The following CERKL variants were observed in gnomAD, a reference collection of about 807,000 sequenced individuals.
CERKL encodes the protein ceramide kinase-like protein.
A neutral mutation model predicts 63.4 loss-of-function variants in CERKL; 61 were observed. The ratio of observed to expected loss-of-function variants is 0.96; its 90% CI spans 0.78 to 1.19. The LOEUF (loss-of-function observed/expected upper bound fraction) is 1.19, where lower values mean the gene tolerates loss of function less well. Among genes scored for constraint, CERKL ranks in the 50% most tolerant of loss-of-function variants. The pLI is 0.00. For synonymous variants in CERKL, 250 were observed against 230.5 expected (o/e 1.08, Z -0.77); for missense variants, 675 against 655.5 (o/e 1.03, Z -0.33).
intron 1 of CERKL, among the ~76,000 whole-genome samples, chr2:181,627,053 G>A (rs1042211226): frequency 6.6e-6 from 1 of 152,156 alleles, no homozygotes; most frequent in Non-Finnish European, 1.5e-5. Flanking sequence ...GCTTGTAGAG[G>A]CAAGAAACAT....
At chr2:181,627,912 A>C (rs1686781841) in intron 1 of CERKL, among the ~76,000 whole-genome samples, 1 of 152,216 alleles carries the variant, frequency 6.6e-6, no homozygotes. Flanking sequence ...CTACTGATGA[A>C]GGAGCTGTTA....
At chr2:181,632,707 A>G (rs1033767597) in intron 1 of CERKL, among the ~76,000 whole-genome samples, 1 of 152,160 alleles carries the variant, frequency 6.6e-6, no homozygotes, top group African/African-American at 2.4e-5. Context: ...CTCCAGACAT[A>G]CCCAGTACCT....
At chr2:181,649,756 G>A (rs1687821568) in intron 1 of CERKL, 1 of 152,240 alleles carries the variant, frequency 6.6e-6, no homozygotes, top group East Asian at 1.9e-4. Context: ...CAGGCCAGGT[G>A]CAGTGGCTCA....
At chr2:181,545,877 G>T (rs898586123) in intron 10 of CERKL, among the ~76,000 whole-genome samples, 2 of 152,222 alleles carry the variant, frequency 1.3e-5, no homozygotes, top group Non-Finnish European at 2.9e-5. Flanking sequence ...TACATGGCTG[G>T]CACTGCTTTA....
chr2:181,640,129 C>T (rs1405479456), intron 1 of CERKL, among the ~76,000 whole-genome samples: 1 of 152,164 alleles, frequency 6.6e-6, no homozygotes, highest in African/African-American at 2.4e-5. Context: ...TGCCTGTCTA[C>T]CTCTGAATTC....
At chr2:181,652,831 G>A (rs1044685639) in intron 1 of CERKL, among the ~76,000 whole-genome samples, 1 of 150,866 alleles carries the variant, frequency 6.6e-6, no homozygotes, top group Non-Finnish European at 1.5e-5. Context: ...CTGGAGTGCA[G>A]TGGCACTATC....
chr2:181,623,100 T>C (rs1686526370), intron 1 of CERKL, among the ~76,000 whole-genome samples: 1 of 152,240 alleles, frequency 6.6e-6, no homozygotes, highest in South Asian at 2.1e-4. Context: ...TTTCACTATC[T>C]TGTATTTTCG....
rs1443526294 is a variant in CERKL at position 181,550,788 on chromosome 2, T to A, written c.821-1080A>T. ...ACCAAGAGGTCATTAATATCATAAT[T>A]TTTTAGGTAACTAAGAATAAGCATA... On this transcript the variant is annotated intron_variant, in intron 5 of 12. Coordinates refer to ENST00000410087, the MANE Select transcript of CERKL (RefSeq NM_201548.5). The surrounding 1 kb of genome is among the most constrained non-coding windows in gnomAD (Gnocchi z 4.5). 6.6e-6 allele frequency among the ~76,000 whole-genome samples: 1 copy of A among 152,160 alleles called. No homozygotes were observed. Among genetic ancestry groups the A allele is most frequent in the Non-Finnish European group, 1.5e-5 (1 of 68,026 alleles).
chr2:181,598,610 T>C (rs117885948), intron 2 of CERKL, among the ~76,000 whole-genome samples: 4 of 152,260 alleles, frequency 2.6e-5, no homozygotes, highest in East Asian at 3.9e-4. Context: ...GATTGCAGCC[T>C]GAACTGTACT....
At chr2:181,542,790 T>C (rs2105793753) in intron 11 of CERKL, among the ~76,000 whole-genome samples, 1 of 152,308 alleles carries the variant, frequency 6.6e-6, no homozygotes, top group Admixed American at 6.5e-5. Flanking sequence ...CATAATATTA[T>C]CTCTTAGAAA....
At chr2:181,562,787 T>C (rs1688502714) in intron 4 of CERKL, among the ~76,000 whole-genome samples, 1 of 152,192 alleles carries the variant, frequency 6.6e-6, no homozygotes, top group Non-Finnish European at 1.5e-5. Flanking sequence ...ATCTATGAAA[T>C]GTTCAATATA....
At chr2:181,622,868 T>C (rs1263916224) in intron 1 of CERKL, among the ~76,000 whole-genome samples, 5 of 152,166 alleles carry the variant, frequency 3.3e-5, no homozygotes, top group Non-Finnish European at 7.4e-5. Context: ...AGGAGGAAAA[T>C]GATTTCTGGA....
At chr2:181,643,920 C>T (rs2105519672) in intron 1 of CERKL, among the ~76,000 whole-genome samples, 1 of 152,300 alleles carries the variant, frequency 6.6e-6, no homozygotes, top group East Asian at 1.9e-4. Context: ...AAAAAAATGC[C>T]TGACTCTTCT....
chr2:181,566,064 A>C lies in CERKL; in HGVS notation c.671T>G (p.Phe224Cys). 6.2e-7 allele frequency: 1 copy of C among 1,603,828 alleles called. No homozygotes were observed. Among genetic ancestry groups the C allele is most frequent in the African/African-American group, 1.3e-5 (1 of 74,796 alleles). The change falls in exon 4 of 13, where the codon TTT (phenylalanine) becomes TGT (cysteine). Residue 224 changes from phenylalanine (F) to cysteine (C), a missense_variant. Physicochemically the swap from Phe to Cys is radical, Grantham distance 205 (BLOSUM62 -2). Coordinates refer to ENST00000410087, the MANE Select transcript of CERKL (RefSeq NM_201548.5). ...SLLKECELQG[F>C]DGVVCVGGDG... ...GATTAATAATATAACCTACCCATCA[A>C]ATCCCTGGAGTTCACATTCCTTAAG... is the stretch of plus-strand genomic sequence containing the variant.
chr2:181,638,007 T>C (rs189329930), intron 1 of CERKL, among the ~76,000 whole-genome samples: 13 of 152,290 alleles, frequency 8.5e-5, no homozygotes, highest in Admixed American at 5.9e-4. Flanking sequence ...GTCTACATAA[T>C]GCAGGATAAA....
chr2:181,621,198 A>G (rs1019090717), intron 1 of CERKL, among the ~76,000 whole-genome samples: 3 of 152,220 alleles, frequency 2.0e-5, no homozygotes, highest in African/African-American at 7.2e-5. Flanking sequence ...TTACTTATAA[A>G]ATGTAGTCAA....
At chr2:181,553,945 A>G (rs746699212) in intron 5 of CERKL, among the ~76,000 whole-genome samples, 2 of 152,186 alleles carry the variant, frequency 1.3e-5, no homozygotes, top group Non-Finnish European at 2.9e-5. Context: ...ATAAATAACA[A>G]TGGCGTAATT....
chr2:181,644,925 A>C (rs975591801), intron 1 of CERKL, among the ~76,000 whole-genome samples: 2 of 152,214 alleles, frequency 1.3e-5, no homozygotes, highest in African/African-American at 4.8e-5. Context: ...GGATGGTAAA[A>C]TATGAGGAAA....
At position 181,565,488 on chromosome 2, in the gene CERKL, C is replaced by T. The variant is rs775435174; in HGVS notation, c.677+570G>A. On this transcript the variant is annotated intron_variant, in intron 4 of 12. Transcript: ENST00000410087. The stretch of plus-strand genomic sequence containing the variant: ...AATCTCTGTACACTCCAATGTATTG[C>T]GAACAATGGTTTCCGATGCCCACTG... 27 of 1,610,920 alleles carry T rather than the reference C, an allele frequency of 1.7e-5. No individual in the cohort carries two copies. Among genetic ancestry groups the T allele is most frequent in the South Asian group, 1.1e-4 (10 of 91,052 alleles).
Sources: allele counts gnomAD v4.1 joint callset (sites outside exome capture counted in the v4.1 genomes callset), GRCh38; gene constraint gnomAD v4.1.1; non-coding constraint Gnocchi (gnomAD v3.1); transcripts MANE v1.5; gene names NCBI Gene and HGNC (gene_info 2026-07-23, HGNC 2026-07-21).